Variants in PDE4D observed in about 807,000 individuals in gnomAD.
PDE4D encodes the protein 3',5'-cyclic-AMP phosphodiesterase 4D.
A neutral mutation model predicts 87.4 loss-of-function variants in PDE4D; 24 were observed. The ratio of observed to expected loss-of-function variants is 0.27; its 90% CI spans 0.20 to 0.39. The LOEUF is 0.39. Ranked by LOEUF, PDE4D falls within the 10% of genes least tolerant of loss-of-function variation. PDE4D has a pLI of 1.00. For synonymous variants in PDE4D, 384 were observed against 383.2 expected (o/e 1.00, Z -0.02); for missense variants, 714 against 1,041.0 (o/e 0.69, Z 4.32).
chr5:59,702,389 G>A (rs1752707413), intron 1 of PDE4D, among the ~76,000 whole-genome samples: 2 of 152,072 alleles, frequency 1.3e-5, no homozygotes. Context: ...GCCTCCCAAA[G>A]TGCTGGGATT....
At chr5:58,987,682 A>C (rs1394459119) in intron 11 of PDE4D, among the ~76,000 whole-genome samples, 1 of 152,158 alleles carries the variant, frequency 6.6e-6, no homozygotes, top group African/African-American at 2.4e-5. Context: ...CATTTTCAAC[A>C]ACTTTGCATA....
At position 58,969,629 on chromosome 5, in the gene PDE4D, C is replaced by G. The variant is rs898747896; in HGVS notation, c.*5035G>C. 6.6e-6 allele frequency: 1 copy of G among 152,148 alleles called. No homozygotes were observed. The highest frequency in any genetic ancestry group is 6.6e-5 in the Admixed American group (1 of 15,266). 9.4% of individuals were successfully genotyped at this position (152,148 alleles called of 1,614,324 possible). On this transcript the variant is annotated 3_prime_UTR_variant, in exon 15 of 15. Transcript: ENST00000340635. ...CACTGAGCTCCTTCATTGTACTGAT[C>G]ACATATATAATTATATGAGTATTGT... is the stretch of plus-strand genomic sequence containing the variant.
At chr5:59,412,289 G>A (rs574017371) in intron 1 of PDE4D, among the ~76,000 whole-genome samples, 6 of 152,186 alleles carry the variant, frequency 3.9e-5, no homozygotes, top group Admixed American at 6.5e-5. Context: ...CACTTATAAA[G>A]GCTACTTCTG....
At chr5:59,615,749 T>C (rs1178186856) in intron 1 of PDE4D, among the ~76,000 whole-genome samples, 1 of 152,178 alleles carries the variant, frequency 6.6e-6, no homozygotes, top group Non-Finnish European at 1.5e-5. Flanking sequence ...AATGTGACCC[T>C]AGTAAGTTTA....
At chr5:59,570,977 G>A (rs778197305) in intron 1 of PDE4D, among the ~76,000 whole-genome samples, 3 of 152,138 alleles carry the variant, frequency 2.0e-5, no homozygotes, top group Admixed American at 6.5e-5. Flanking sequence ...AAAATGCTGT[G>A]TATTTTACAT....
At chr5:59,969,686 C>T (rs1241659886) in intron 3 of PDE4D, among the ~76,000 whole-genome samples, 1 of 152,154 alleles carries the variant, frequency 6.6e-6, no homozygotes, top group African/African-American at 2.4e-5. Flanking sequence ...TACCTCCATA[C>T]TGTTCTCGTG....
At chr5:59,144,889 A>C (rs1778375790) in intron 5 of PDE4D, among the ~76,000 whole-genome samples, 1 of 2,138 alleles carries the variant, frequency 4.7e-4, no homozygotes, top group Non-Finnish European at 1.1e-3. Flanking sequence ...ATAGGGTTTA[A>C]TGGGGGGGGG....
rs186323158 is a variant in PDE4D at position 59,796,695 on chromosome 5, C to T, written c.455+96473G>A. On this transcript the variant is annotated intron_variant, in intron 1 of 14. Transcript: ENST00000340635. The stretch of plus-strand genomic sequence containing the variant: ...CATATGTACTTGTTTGCTTTTTCAT[C>T]TTCTTAGATGACACTTATTTTAAGT... Among the ~76,000 whole-genome samples, 242 of 152,292 alleles carry T rather than the reference C, an allele frequency of 1.6e-3. 4 individuals are homozygous for T. Among genetic ancestry groups the T allele is most frequent in the Non-Finnish European group, 3.8e-4 (26 of 68,004 alleles).
chr5:60,239,555 A>G (rs1215309875), intron 1 of PDE4D, among the ~76,000 whole-genome samples: 5 of 152,138 alleles, frequency 3.3e-5, no homozygotes, highest in Non-Finnish European at 7.4e-5. Context: ...ATACTGAGTC[A>G]TTCTGCTTTA....
chr5:60,253,088 A>G (rs1748656075), intron 1 of PDE4D, among the ~76,000 whole-genome samples: 1 of 151,854 alleles, frequency 6.6e-6, no homozygotes, highest in African/African-American at 2.4e-5. Context: ...ACCAAAGAAC[A>G]TCAGTACCCA....
At chr5:59,665,771 A>G (rs1299083924) in intron 1 of PDE4D, among the ~76,000 whole-genome samples, 1 of 152,178 alleles carries the variant, frequency 6.6e-6, no homozygotes, top group Non-Finnish European at 1.5e-5. Flanking sequence ...TAATGCACAT[A>G]TTAAAGAGGC....
At chr5:59,323,759 C>A (rs1360810760) in intron 1 of PDE4D, among the ~76,000 whole-genome samples, 1 of 151,814 alleles carries the variant, frequency 6.6e-6, no homozygotes, top group East Asian at 1.9e-4. Context: ...GATTTGCAAT[C>A]CAATTTCCCA....
chr5:59,096,508 G>C (rs1769742720), intron 5 of PDE4D, among the ~76,000 whole-genome samples: 1 of 152,156 alleles, frequency 6.6e-6, no homozygotes, highest in South Asian at 2.1e-4. Context: ...CACTGTGATT[G>C]ACTGATTGGT....
chr5:60,085,666 T>C (rs1774446544), intron 2 of PDE4D, among the ~76,000 whole-genome samples: 1 of 152,210 alleles, frequency 6.6e-6, no homozygotes, highest in African/African-American at 2.4e-5. Context: ...GAGGTGAGTC[T>C]CTGAGGCACT....
intron 1 of PDE4D, among the ~76,000 whole-genome samples, chr5:59,555,585 T>C (rs867137681): frequency 7.9e-5 from 12 of 152,152 alleles, no homozygotes; most frequent in Non-Finnish European, 1.5e-4. Flanking sequence ...AAGCACTGTT[T>C]CCTGGCAATA....
intron 1 of PDE4D, among the ~76,000 whole-genome samples, chr5:59,723,278 TCTCATGAC>T (rs1756117673): frequency 1.3e-5 from 2 of 152,104 alleles, no homozygotes; most frequent in African/African-American, 4.8e-5. Context: ...CCTCTAGTTT[TCTCATGAC>T]CAGTATGTGA....
chr5:59,001,263 T>C (rs2153353586), intron 6 of PDE4D, among the ~76,000 whole-genome samples: 1 of 152,266 alleles, frequency 6.6e-6, no homozygotes, highest in Admixed American at 6.5e-5. Flanking sequence ...CTCCTCTCCA[T>C]CTCAAAGCCT....
Position 60,282,804 on chromosome 5 carries a change from T to C in PDE4D, c.-89-97117A>G, listed in dbSNP as rs190097070. 4.0e-3 allele frequency among the ~76,000 whole-genome samples: 603 copies of C among 152,318 alleles called. 11 individuals are homozygous for C. The highest frequency in any genetic ancestry group is 0.036 in the Admixed American group (543 of 15,292). The stretch of plus-strand genomic sequence containing the variant: ...ATATGAGTTATTTGGAAGCATGATA[T>C]TTAGTGTCCAGATATCTGGGGACTT... On this transcript the variant is annotated intron_variant, in intron 1 of 16. Transcript: ENST00000502484.
At chr5:59,933,564 T>G (rs1386564962) in intron 3 of PDE4D, among the ~76,000 whole-genome samples, 3 of 152,212 alleles carry the variant, frequency 2.0e-5, no homozygotes, top group African/African-American at 4.8e-5. Flanking sequence ...ATCTATGTCC[T>G]CACACTTATG....
Sources: allele counts gnomAD v4.1 joint callset (sites outside exome capture counted in the v4.1 genomes callset), GRCh38; gene constraint gnomAD v4.1.1; transcripts MANE v1.5; gene names NCBI Gene and HGNC (gene_info 2026-07-23, HGNC 2026-07-21).